SNAP47: variants seen among roughly 807,000 people sequenced by gnomAD.
SNAP47 encodes synaptosome associated protein 47.
A neutral mutation model predicts 31.4 loss-of-function variants in SNAP47; 20 were observed. The ratio of observed to expected loss-of-function variants is 0.64; its 90% CI spans 0.45 to 0.93. The LOEUF (loss-of-function observed/expected upper bound fraction) is 0.93, where lower values mean the gene tolerates loss of function less well. SNAP47 is among the 40% of genes least tolerant of loss of function. SNAP47 has a pLI of 0.00. For missense variants in SNAP47, 492 were observed against 528.5 expected (o/e 0.93, Z 0.68); for synonymous variants, 194 against 213.4 (o/e 0.91, Z 0.79).
chr1:227,732,144 C>T (rs1660690749), upstream of SNAP47: 2 of 580,126 alleles, frequency 3.4e-6, no homozygotes, highest in Non-Finnish European at 6.1e-6. Context: ...AGAGCCAGGT[C>T]CTGGCACCAT....
chr1:227,729,214 G>A (rs951442806), intron 1 of SNAP47, among the ~76,000 whole-genome samples: 1 of 152,196 alleles, frequency 6.6e-6, no homozygotes, highest in Non-Finnish European at 1.5e-5. Context: ...TGTGGAAGGG[G>A]ACTTCTGGGG....
intron 1 of SNAP47, among the ~76,000 whole-genome samples, chr1:227,736,657 G>A (rs1173941377): frequency 1.3e-4 from 19 of 149,738 alleles, no homozygotes; most frequent in African/African-American, 4.7e-4. Flanking sequence ...GAGCCACTAT[G>A]CCCAGCTTAG....
chr1:227,735,509 G>C lies in SNAP47; in HGVS notation c.-46+10G>C, dbSNP rs1386033185. 3 of 1,393,896 alleles carry C rather than the reference G, an allele frequency of 2.2e-6. No individual in the cohort carries two copies. The highest frequency in any genetic ancestry group is 2.8e-6 in the Non-Finnish European group (3 of 1,082,346). 86.3% of individuals were successfully genotyped at this position (1,393,896 alleles called of 1,614,324 possible). A position where few individuals can be genotyped will look rare whatever the true frequency, so the allele number is the denominator to read the frequency against. Reference sequence around the variant, plus strand: ...GTCTGGCGTCCCTCAGGTGAGCGACGGTGTTGGTCTGTTGGGCGCCCGGCC... The same window carrying C: ...GTCTGGCGTCCCTCAGGTGAGCGACCGTGTTGGTCTGTTGGGCGCCCGGCC... On this transcript the variant is annotated intron_variant, in intron 1 of 4. Transcript: ENST00000617596.
chr1:227,735,282 G>A, upstream of SNAP47: 1 of 1,606,424 alleles, frequency 6.2e-7, no homozygotes, highest in Non-Finnish European at 8.5e-7. Context: ...ATCCAGCTCA[G>A]CACGGGTCGA....
intron 2 of SNAP47, among the ~76,000 whole-genome samples, chr1:227,750,621 C>T (rs149402289): frequency 0.01 from 1,548 of 152,244 alleles, 17 homozygotes; most frequent in African/African-American, 0.032. Context: ...TGCCCTGGCT[C>T]GCTGCTGAGG....
chr1:227,778,722 A>G (rs563317019), intron 4 of SNAP47, among the ~76,000 whole-genome samples: 1 of 152,310 alleles, frequency 6.6e-6, no homozygotes, highest in East Asian at 1.9e-4. Context: ...GGTGTGGGCC[A>G]CGTGAGATCA....
intron 3 of SNAP47, among the ~76,000 whole-genome samples, chr1:227,760,993 G>A (rs1340102861): frequency 6.6e-6 from 1 of 152,160 alleles, no homozygotes; most frequent in East Asian, 1.9e-4. Flanking sequence ...TCTAATATTA[G>A]CATTATAGCT....
rs996300739 is a variant in SNAP47 at position 227,741,987 on chromosome 1, C to G, written c.-45-5705C>G. On this transcript the variant is annotated intron_variant, in intron 1 of 4. Coordinates refer to ENST00000617596, the MANE Select transcript of SNAP47 (RefSeq NM_053052.4). This position sits in a 1 kb window ranked among gnomAD's most constrained non-coding sequence, Gnocchi z 4.2. ...TGAGAAGAGCCTTGGTTATTCATGT[C>G]CTAATTTTTTGGTCTTTTTTTTCTT... 6.6e-6 allele frequency among the ~76,000 whole-genome samples: 1 copy of G among 150,992 alleles called. No homozygotes were observed. Among genetic ancestry groups the G allele is most frequent in the Non-Finnish European group, 1.5e-5 (1 of 67,648 alleles).
intron 1 of SNAP47, among the ~76,000 whole-genome samples, chr1:227,739,895 C>G (rs1661476395): frequency 6.6e-6 from 1 of 152,204 alleles, no homozygotes; most frequent in Admixed American, 6.5e-5. Flanking sequence ...AAGGAGGTTG[C>G]AGATTGCAAC....
At chr1:227,756,920 C>T (rs1444277807) in intron 2 of SNAP47, among the ~76,000 whole-genome samples, 1 of 152,272 alleles carries the variant, frequency 6.6e-6, no homozygotes, top group African/African-American at 2.4e-5. Flanking sequence ...AGCAGGCCTC[C>T]TGCCAGGGAG....
chr1:227,759,956 C>G (rs1325069786), intron 3 of SNAP47, among the ~76,000 whole-genome samples: 1 of 152,152 alleles, frequency 6.6e-6, no homozygotes, highest in Non-Finnish European at 1.5e-5. Flanking sequence ...GCAGGATGCC[C>G]CTCTGATTCT....
upstream of SNAP47, chr1:227,734,693 G>A (rs749289958): frequency 9.9e-6 from 16 of 1,614,190 alleles, no homozygotes; most frequent in Admixed American, 1.2e-4. Flanking sequence ...GCCCCTGGGA[G>A]AGGAGTAGCC....
intron 1 of SNAP47, among the ~76,000 whole-genome samples, chr1:227,737,055 T>C (rs970049833): frequency 6.6e-6 from 1 of 152,192 alleles, no homozygotes; most frequent in South Asian, 2.1e-4. Flanking sequence ...CTGGATTGGG[T>C]TGAAGCCTGG....
At chr1:227,767,515 G>A (rs1197869944) in intron 4 of SNAP47, among the ~76,000 whole-genome samples, 1 of 149,060 alleles carries the variant, frequency 6.7e-6, no homozygotes, top group African/African-American at 2.6e-5. Flanking sequence ...TACTGTGTAT[G>A]TGCATGTGCA....
intron 2 of SNAP47, among the ~76,000 whole-genome samples, chr1:227,753,259 T>A (rs1201390987): frequency 6.6e-6 from 1 of 152,228 alleles, no homozygotes; most frequent in Non-Finnish European, 1.5e-5. Flanking sequence ...TTGGCTATTG[T>A]GGAGGCTAAA....
Position 227,735,498 on chromosome 1 carries a change from A to T in SNAP47, c.-47A>T, listed in dbSNP as rs1661063841. 5 of 1,406,692 alleles carry T rather than the reference A, an allele frequency of 3.6e-6. No homozygotes were observed. In the South Asian group the frequency reaches 8.0e-5, roughly 23 times the overall value. 87.1% of individuals were successfully genotyped at this position (1,406,692 alleles called of 1,614,324 possible). A position where few individuals can be genotyped will look rare whatever the true frequency, so the allele number is the denominator to read the frequency against. On this transcript the variant is annotated splice_region_variant and 5_prime_UTR_variant, in exon 1 of 5. Coordinates refer to ENST00000617596, the MANE Select transcript of SNAP47 (RefSeq NM_053052.4). ...CTCTGGGACTCGTCTGGCGTCCCTCAGGTGAGCGACGGTGTTGGTCTGTTG... is the reference window on the plus strand; with the variant it reads ...CTCTGGGACTCGTCTGGCGTCCCTCTGGTGAGCGACGGTGTTGGTCTGTTG...
upstream of SNAP47, chr1:227,730,546 A>C (rs369237167): frequency 2.6e-5 from 4 of 151,748 alleles, no homozygotes; most frequent in Non-Finnish European, 5.9e-5. Context: ...ATCTCCCCCC[A>C]CAGAGCTTCT....
At chr1:227,766,510 CGGT>C (rs1038579343) in intron 3 of SNAP47, among the ~76,000 whole-genome samples, 138 of 152,314 alleles carry the variant, frequency 9.1e-4, no homozygotes, top group African/African-American at 3.1e-3. Flanking sequence ...CCTCCCACCT[CGGT>C]GGCGCAGACG....
Position 227,747,678 on chromosome 1 carries a change from C to T in SNAP47, c.-45-14C>T. On this transcript the variant is annotated splice_polypyrimidine_tract_variant and intron_variant, in intron 1 of 4. Coordinates refer to ENST00000617596, the MANE Select transcript of SNAP47 (RefSeq NM_053052.4). ...ATGGGTGACGGCAGAACGTTACTGT[C>T]TCTTCTCCTTCAGAGGCAGAAGAGG... The T allele has an allele frequency of 6.4e-7, 1 of 1,574,510 alleles. No homozygotes were observed. Among genetic ancestry groups the T allele is most frequent in the Non-Finnish European group, 8.6e-7 (1 of 1,156,710 alleles).
Sources: gnomAD v4.1 joint callset for allele counts (sites outside exome capture counted in the v4.1 genomes callset) on GRCh38, gnomAD v4.1.1 for gene constraint, Gnocchi (gnomAD v3.1) non-coding constraint, MANE v1.5 for transcripts, NCBI Gene and HGNC (gene_info 2026-07-23, HGNC 2026-07-21) for gene names.